SAMD4A: variants seen among roughly 807,000 people sequenced by gnomAD.
SAMD4A encodes sterile alpha motif domain containing 4A, also known as protein Smaug homolog 1.
A neutral mutation model predicts 81.3 loss-of-function variants in SAMD4A; 33 were observed. The observed-to-expected ratio is 0.41, with a 90% CI of 0.31 to 0.54. The LOEUF (loss-of-function observed/expected upper bound fraction) is 0.54. SAMD4A is among the 20% of genes least tolerant of loss of function. SAMD4A has a pLI of 0.37. For missense variants in SAMD4A, 854 were observed against 951.1 expected, an observed-to-expected ratio of 0.90 and a Z score of 1.34; for synonymous variants, 389 against 382.1, an observed-to-expected ratio of 1.02 and a Z score of -0.21.
At chr14:54,761,078 C>A (rs2038385456) in intron 7 of SAMD4A, among the ~76,000 whole-genome samples, 1 of 152,242 alleles carries the variant, frequency 6.6e-6, no homozygotes, top group Non-Finnish European at 1.5e-5. Flanking sequence ...CGTTTATATT[C>A]TCTCTTCACG....
intron 2 of SAMD4A, among the ~76,000 whole-genome samples, chr14:54,659,460 G>T (rs1007629049): frequency 6.6e-6 from 1 of 152,140 alleles, no homozygotes. Context: ...TGGTTTCGCA[G>T]TGTGGGTTTT....
At chr14:54,672,178 G>C (rs151329048) in intron 2 of SAMD4A, among the ~76,000 whole-genome samples, 2 of 151,938 alleles carry the variant, frequency 1.3e-5, no homozygotes, top group African/African-American at 4.8e-5. Context: ...TCCCACTTCA[G>C]CTTTTGGAGT....
chr14:54,682,169 C>A, intron 2 of SAMD4A: 1 of 517,734 alleles, frequency 1.9e-6, no homozygotes, highest in Non-Finnish European at 2.5e-6. Flanking sequence ...CTGCTGTGTG[C>A]ACAGAAGAAT....
At chr14:54,749,763 G>C (rs1293735483) in intron 5 of SAMD4A, among the ~76,000 whole-genome samples, 2 of 152,146 alleles carry the variant, frequency 1.3e-5, no homozygotes, top group African/African-American at 4.8e-5. Flanking sequence ...TTTCACATTG[G>C]CCTCAGTTTC....
chr14:54,724,106 G>T (rs764649973), intron 3 of SAMD4A, among the ~76,000 whole-genome samples: 5 of 151,994 alleles, frequency 3.3e-5, no homozygotes, highest in Admixed American at 6.6e-5. Flanking sequence ...GTAGGTAGGT[G>T]GAATAAGGTA....
At chr14:54,619,183 A>C (rs2034558131) in intron 2 of SAMD4A, among the ~76,000 whole-genome samples, 1 of 152,220 alleles carries the variant, frequency 6.6e-6, no homozygotes, top group African/African-American at 2.4e-5. Flanking sequence ...ATAGGTAATT[A>C]TTTTAAGTCA....
intron 7 of SAMD4A, 75 bp downstream of exon 7, chr14:54,760,569 C>T (rs1363503134): frequency 5.2e-6 from 7 of 1,357,788 alleles, no homozygotes; most frequent in Non-Finnish European, 6.6e-6. Context: ...GGGGGCTTCC[C>T]CTGGGTGCTG....
intron 2 of SAMD4A, among the ~76,000 whole-genome samples, chr14:54,655,246 T>C (rs1186236126): frequency 6.6e-6 from 1 of 152,158 alleles, no homozygotes; most frequent in Non-Finnish European, 1.5e-5. Flanking sequence ...CATATGTCCT[T>C]CCCACAGCTG....
intron 2 of SAMD4A, among the ~76,000 whole-genome samples, chr14:54,665,749 G>A (rs1005952791): frequency 6.6e-6 from 1 of 152,100 alleles, no homozygotes; most frequent in African/African-American, 2.4e-5. Flanking sequence ...CATCCCTAAT[G>A]AACCCTGATT....
chr14:54,612,445 T>C (rs1430187090), intron 2 of SAMD4A, among the ~76,000 whole-genome samples: 2 of 152,196 alleles, frequency 1.3e-5, no homozygotes, highest in African/African-American at 2.4e-5. Flanking sequence ...TTTTAAAATC[T>C]CATCTTTTTT....
intron 3 of SAMD4A, among the ~76,000 whole-genome samples, chr14:54,717,810 G>A (rs1328577026): frequency 6.6e-6 from 1 of 151,514 alleles, no homozygotes; most frequent in Non-Finnish European, 1.5e-5. Context: ...TGCAGACCTC[G>A]CTGTTGTTCA....
intron 7 of SAMD4A, among the ~76,000 whole-genome samples, chr14:54,760,776 G>C (rs1347792952): frequency 6.6e-6 from 1 of 152,140 alleles, no homozygotes; most frequent in Non-Finnish European, 1.5e-5. Flanking sequence ...GTGCTCATTG[G>C]GCCAGTGGAC....
chr14:54,703,338 C>T (rs1240416392), intron 3 of SAMD4A: 1 of 152,230 alleles, frequency 6.6e-6, no homozygotes, highest in Non-Finnish European at 1.5e-5. Context: ...GCTGGGAGTC[C>T]TCTCTGTGTC....
chr14:54,725,829 A>G (rs1284647860), intron 3 of SAMD4A, among the ~76,000 whole-genome samples: 1 of 152,206 alleles, frequency 6.6e-6, no homozygotes, highest in African/African-American at 2.4e-5. Flanking sequence ...ATGACTTCCA[A>G]CTCAAATCCC....
At chr14:54,573,529 GA>G (rs1435859106) in intron 2 of SAMD4A, among the ~76,000 whole-genome samples, 1 of 152,152 alleles carries the variant, frequency 6.6e-6, no homozygotes. Flanking sequence ...ATCTGTGGGT[GA>G]AGTGCTTTGT....
At chr14:54,570,011 C>T (rs2033081984) in intron 2 of SAMD4A, among the ~76,000 whole-genome samples, 1 of 152,052 alleles carries the variant, frequency 6.6e-6, no homozygotes, top group African/African-American at 2.4e-5. Context: ...TCCCTTAAGA[C>T]ATGTTTGGCC....
chr14:54,568,233 G>C, intron 2 of SAMD4A, 121 bp downstream of exon 2: 1 of 925,444 alleles, frequency 1.1e-6, no homozygotes, highest in Non-Finnish European at 1.5e-6. Context: ...CCTGGACGGC[G>C]TGGCCCCGAG....
intron 2 of SAMD4A, among the ~76,000 whole-genome samples, chr14:54,592,253 T>C (rs761604341): frequency 4.6e-5 from 7 of 152,308 alleles, no homozygotes; most frequent in Non-Finnish European, 8.8e-5. Flanking sequence ...AGTTGTCTCC[T>C]CAAATGGTTT....
intron 8 of SAMD4A, among the ~76,000 whole-genome samples, chr14:54,767,572 C>T (rs958862897): frequency 2.6e-5 from 4 of 152,210 alleles, no homozygotes; most frequent in Non-Finnish European, 4.4e-5. Context: ...GACACCATAG[C>T]CATCTTCCTC....
Sources: allele counts gnomAD v4.1 joint callset (sites outside exome capture counted in the v4.1 genomes callset), GRCh38; gene constraint gnomAD v4.1.1; transcripts MANE v1.5; gene names NCBI Gene and HGNC (gene_info 2026-07-23, HGNC 2026-07-21).